GOLGA1: variants seen among roughly 807,000 people sequenced by gnomAD.
The protein encoded by GOLGA1 is golgin A1, also known as golgin subfamily A member 1.
In GOLGA1, 63 loss-of-function variants were observed where a neutral mutation model predicts 119.7. The observed-to-expected ratio is 0.53, with a 90% CI of 0.43 to 0.65. GOLGA1 has a LOEUF of 0.65. Ranked by LOEUF, GOLGA1 falls within the 30% of genes least tolerant of loss-of-function variation. GOLGA1 has a pLI of 0.00. For missense variants in GOLGA1, 798 were observed against 912.8 expected, an observed-to-expected ratio of 0.87 and a Z score of 1.62; for synonymous variants, 318 against 333.4, an observed-to-expected ratio of 0.95 and a Z score of 0.50.
In GOLGA1 at chr9:124,878,887, G is replaced by C. The variant is rs1829506608; in HGVS notation, c.*1643C>G. ...AGGCTACCTCTTACCCATCAAACTTGCAGAACAGAAGAGACTCCTGTTTCG... is the reference window on the plus strand; with the variant it reads ...AGGCTACCTCTTACCCATCAAACTTCCAGAACAGAAGAGACTCCTGTTTCG... On this transcript the variant is annotated 3_prime_UTR_variant, in exon 23 of 23. Transcript: ENST00000373555. The C allele has an allele frequency of 6.6e-6, 1 of 152,216 alleles. No individual in the cohort carries two copies. Among genetic ancestry groups the C allele is most frequent in the African/African-American group, 2.4e-5 (1 of 41,462 alleles). 9.4% of individuals were successfully genotyped at this position (152,216 alleles called of 1,614,324 possible). A position where few individuals can be genotyped will look rare whatever the true frequency, so the allele number is the denominator to read the frequency against.
chr9:124,903,918 G>C (rs1275581959), intron 12 of GOLGA1, among the ~76,000 whole-genome samples: 1 of 151,670 alleles, frequency 6.6e-6, no homozygotes, highest in Non-Finnish European at 1.5e-5. Context: ...GCGTGGTGGA[G>C]CGTGCCTGTA....
intron 3 of GOLGA1, among the ~76,000 whole-genome samples, chr9:124,932,354 T>C (rs976080055): frequency 6.6e-6 from 1 of 152,200 alleles, no homozygotes; most frequent in Non-Finnish European, 1.5e-5. Flanking sequence ...CAAATATTCA[T>C]CTACATGTCC....
intron 12 of GOLGA1, among the ~76,000 whole-genome samples, chr9:124,906,777 A>C (rs1490353895): frequency 1.3e-5 from 2 of 152,228 alleles, no homozygotes; most frequent in Non-Finnish European, 2.9e-5. Context: ...ATACCATCAC[A>C]GTATCAACAC....
At chr9:124,935,888 A>C (rs1830856554) in intron 3 of GOLGA1, among the ~76,000 whole-genome samples, 1 of 152,120 alleles carries the variant, frequency 6.6e-6, no homozygotes. Context: ...ACTTGGGAAG[A>C]TGAAGGTGCA....
At chr9:124,925,781 T>C (rs949372064) in intron 7 of GOLGA1, among the ~76,000 whole-genome samples, 2 of 152,206 alleles carry the variant, frequency 1.3e-5, no homozygotes, top group Non-Finnish European at 2.9e-5. Context: ...TAAAGTTAAC[T>C]TGGTGTTTTA....
intron 3 of GOLGA1, among the ~76,000 whole-genome samples, chr9:124,935,775 A>G (rs2131535059): frequency 6.6e-6 from 1 of 152,110 alleles, no homozygotes; most frequent in Middle Eastern, 3.4e-3. Flanking sequence ...AAAAAAAAAA[A>G]AAAAAAGAAA....
rs1831144206 is a variant in GOLGA1, at chr9:124,946,272, TATTC to T, written c.-156+1642_-156+1645del. 4 of 152,354 alleles carry T rather than the reference TATTC, an allele frequency of 2.6e-5. 1 individual carries two copies. The South Asian group carries it at 8.3e-4, about 32-fold the overall frequency. 9.4% of individuals were successfully genotyped at this position (152,354 alleles called of 1,614,324 possible). On this transcript the variant is annotated intron_variant, in intron 1 of 4. Transcript: ENST00000421514. This position sits in a 1 kb window ranked among gnomAD's most constrained non-coding sequence, Gnocchi z 4.0. ...TAATAAATTACCAAATTTTAATATT[TATTC>T]AAGAAAAATGCTGTTATAATTATTT...
chr9:124,899,379 C>A lies in GOLGA1; in HGVS notation c.1261G>T (p.Ala421Ser). ...RTQALEAQIV[A>S]LERTRAADQT... ...TCAGCTGCCCGCGTTCTCTCCAGGG[C>A]CACTATCTGGGCTTCTAGCGCCTGG... The change falls in exon 14 of 23, where the codon GCC (alanine) becomes TCC (serine). Residue 421 changes from alanine to serine, a missense_variant. Physicochemically the swap from Ala to Ser is moderately conservative, Grantham distance 99. Transcript: ENST00000373555. The A allele has an allele frequency of 1.3e-6, 2 of 1,549,610 alleles. No homozygotes were observed. The highest frequency in any genetic ancestry group is 2.0e-5 in the Admixed American group (1 of 51,030).
intron 12 of GOLGA1, among the ~76,000 whole-genome samples, chr9:124,903,648 G>GA (rs1830155602): frequency 4.2e-4 from 2 of 4,708 alleles, no homozygotes; most frequent in Non-Finnish European, 9.0e-4. Context: ...GGGAGAAAAA[G>GA]ACCAAAAAAA....
chr9:124,884,044 C>G (rs1308159876), intron 19 of GOLGA1, among the ~76,000 whole-genome samples: 2 of 151,370 alleles, frequency 1.3e-5, no homozygotes, highest in Non-Finnish European at 2.9e-5. Context: ...CGGAGTCTTA[C>G]CCTGTCCCTG....
intron 3 of GOLGA1, among the ~76,000 whole-genome samples, chr9:124,937,603 CCTGG>C (rs1410048515): frequency 6.8e-6 from 1 of 147,992 alleles, no homozygotes; most frequent in Admixed American, 6.7e-5. Context: ...TGCACTCCGG[CCTGG>C]CTGACAGAGT....
intron 12 of GOLGA1, among the ~76,000 whole-genome samples, chr9:124,903,776 C>T (rs1234858032): frequency 3.3e-5 from 5 of 151,804 alleles, no homozygotes; most frequent in Non-Finnish European, 7.4e-5. Flanking sequence ...ATAGGCCAGG[C>T]ACAGTGGCTC....
At chr9:124,885,484 CAAA>C (rs34466889) in intron 19 of GOLGA1, among the ~76,000 whole-genome samples, 15 of 97,888 alleles carry the variant, frequency 1.5e-4, no homozygotes, top group East Asian at 5.5e-4. Context: ...GACTCTGTCT[CAAA>C]AAAAAAAAAA....
rs1189070895 is a variant in GOLGA1 at position 124,946,147 on chromosome 9, T to C, written c.-156+1771A>G. The C allele has an allele frequency of 6.6e-6, 1 of 152,196 alleles. No individual in the cohort carries two copies. Among genetic ancestry groups the C allele is most frequent in the Non-Finnish European group, 1.5e-5 (1 of 68,028 alleles). The allele number at this position is 152,196 out of a possible 1,614,324, so 9.4% of individuals were successfully genotyped here. ...TCAGTTCCATGAATTTTAAATGGTA[T>C]AATATCTGCTCTACTACTCTCCAGT... On this transcript the variant is annotated intron_variant, in intron 1 of 4. Coordinates refer to the GOLGA1 transcript ENST00000421514. The surrounding 1 kb of genome is among the most constrained non-coding windows in gnomAD (Gnocchi z 4.0).
upstream of GOLGA1, chr9:124,944,256 CAAGTT>C (rs1292925172): frequency 6.7e-6 from 1 of 149,692 alleles, no homozygotes; most frequent in Non-Finnish European, 1.5e-5. Context: ...GATACAGTAA[CAAGTT>C]AACAAAAACC....
At chr9:124,932,885 G>C (rs897673220) in intron 3 of GOLGA1, among the ~76,000 whole-genome samples, 2 of 152,068 alleles carry the variant, frequency 1.3e-5, no homozygotes, top group Non-Finnish European at 2.9e-5. Context: ...TTTTGTAAGA[G>C]CACTAATCTC....
intron 14 of GOLGA1, among the ~76,000 whole-genome samples, 168 bp downstream of exon 14, chr9:124,899,161 G>A (rs1045592866): frequency 7.2e-5 from 11 of 152,130 alleles, no homozygotes; most frequent in Non-Finnish European, 1.5e-4. Context: ...ATGCCACTGT[G>A]CTCCAGCCTG....
Position 124,921,245 on chromosome 9 carries a change from A to G in GOLGA1, c.732-5T>C. On this transcript the variant is annotated splice_region_variant and splice_polypyrimidine_tract_variant and intron_variant, in intron 9 of 22. Transcript: ENST00000373555. The stretch of plus-strand genomic sequence containing the variant: ...TTTGAAGCTATCACATGATCTCTTC[A>G]TCAAAAGAAAGCAGACAATGAACAA... 1 of 1,555,860 alleles carries G rather than the reference A, an allele frequency of 6.4e-7. No homozygotes were observed. The highest frequency in any genetic ancestry group is 8.9e-7 in the Non-Finnish European group (1 of 1,127,372).
At chr9:124,895,602 C>T (rs1338416577) in intron 15 of GOLGA1, among the ~76,000 whole-genome samples, 3 of 147,006 alleles carry the variant, frequency 2.0e-5, no homozygotes, top group East Asian at 2.1e-4. Context: ...AGACCCTCCA[C>T]GACAGAGAGC....
Sources: allele counts gnomAD v4.1 joint callset (sites outside exome capture counted in the v4.1 genomes callset), GRCh38; gene constraint gnomAD v4.1.1; non-coding constraint Gnocchi (gnomAD v3.1); transcripts MANE v1.5; gene names NCBI Gene and HGNC (gene_info 2026-07-23, HGNC 2026-07-21).